The following ALK variants were observed in gnomAD, a reference collection of about 807,000 sequenced individuals.
ALK encodes the protein ALK receptor tyrosine kinase.
Under a neutral mutation model 163.1 loss-of-function variants are expected in ALK, and 74 were observed. The ratio of observed to expected loss-of-function variants is 0.45; its 90% CI spans 0.38 to 0.55. ALK has a LOEUF of 0.55. Ranked by LOEUF, ALK falls within the 20% of genes least tolerant of loss-of-function variation. ALK has a pLI of 0.00. For missense variants in ALK, 2,063 were observed against 2,105.3 expected (o/e 0.98, Z 0.39); for synonymous variants, 960 against 843.2 (o/e 1.14, Z -2.40).
At chr2:29,647,258 TTA>T (rs1676903805) in intron 3 of ALK, among the ~76,000 whole-genome samples, 1 of 152,184 alleles carries the variant, frequency 6.6e-6, no homozygotes, top group African/African-American at 2.4e-5. Flanking sequence ...GTATCTCTCC[TTA>T]AGTGCTATAC....
At chr2:29,277,698 AAGG>A (rs909348856) in intron 9 of ALK, among the ~76,000 whole-genome samples, 7 of 152,260 alleles carry the variant, frequency 4.6e-5, no homozygotes, top group African/African-American at 9.6e-5. Flanking sequence ...TTGGGTGTGG[AAGG>A]AGAAGTGCCT....
intron 3 of ALK, among the ~76,000 whole-genome samples, chr2:29,540,947 A>G (rs574423342): frequency 3.9e-4 from 59 of 152,320 alleles, no homozygotes; most frequent in Non-Finnish European, 6.0e-4. Context: ...AATATGTGTC[A>G]GATTGTCACT....
At chr2:29,571,982 C>A (rs575761891) in intron 3 of ALK, among the ~76,000 whole-genome samples, 5 of 152,208 alleles carry the variant, frequency 3.3e-5, no homozygotes, top group African/African-American at 1.2e-4. Flanking sequence ...ACAAAGAAAG[C>A]CCAGGTGAAG....
At chr2:29,432,346 G>T (rs1322141142) in intron 4 of ALK, among the ~76,000 whole-genome samples, 1 of 152,068 alleles carries the variant, frequency 6.6e-6, no homozygotes, top group East Asian at 1.9e-4. Context: ...TCTTCCCATT[G>T]CTCTCTCCCT....
At chr2:29,813,707 C>CT (rs1324785566) in intron 1 of ALK, among the ~76,000 whole-genome samples, 1 of 152,214 alleles carries the variant, frequency 6.6e-6, no homozygotes, top group Non-Finnish European at 1.5e-5. Context: ...ATGCTGAACT[C>CT]TACAGCATCC....
At chr2:29,366,810 G>A (rs1558696009) in intron 5 of ALK, among the ~76,000 whole-genome samples, 2 of 152,228 alleles carry the variant, frequency 1.3e-5, no homozygotes, top group African/African-American at 2.4e-5. Flanking sequence ...AAGTGTCAGA[G>A]TTTACTCTAA....
Position 29,649,249 on chromosome 2 carries a change from C to T in ALK, c.952+45601G>A, listed in dbSNP as rs546118031. ...GAGAGAGAGAGAGAGAGAGAAAGTG[C>T]GTGCGTGTGTGTGTGTGTGACAGAG... On this transcript the variant is annotated intron_variant, in intron 3 of 28. Transcript: ENST00000389048. Among the ~76,000 whole-genome samples the T allele has an allele frequency of 4.3e-3, 561 of 130,490 alleles. 4 individuals carry two copies. Among genetic ancestry groups the T allele is most frequent in the African/African-American group, 0.016 (522 of 32,146 alleles). The allele number at this position is 130,490 out of a possible 152,430, so 85.6% of individuals were successfully genotyped here. A position where few individuals can be genotyped will look rare whatever the true frequency, so the allele number is the denominator to read the frequency against.
chr2:29,910,126 T>C (rs1182852920), intron 1 of ALK, among the ~76,000 whole-genome samples: 2 of 152,134 alleles, frequency 1.3e-5, no homozygotes, highest in Non-Finnish European at 2.9e-5. Context: ...ATAGCTGTTA[T>C]ACGTGTTCAA....
At chr2:29,587,622 A>G (rs1674926977) in intron 3 of ALK, among the ~76,000 whole-genome samples, 1 of 152,036 alleles carries the variant, frequency 6.6e-6, no homozygotes, top group African/African-American at 2.4e-5. Flanking sequence ...GTTTTATAGA[A>G]AATGCATAAC....
chr2:29,433,256 T>A (rs1187590464), intron 4 of ALK, among the ~76,000 whole-genome samples: 1 of 152,154 alleles, frequency 6.6e-6, no homozygotes, highest in African/African-American at 2.4e-5. Context: ...TGCATAGAAG[T>A]GGACAGGAGA....
At chr2:29,357,089 C>T (rs540170695) in intron 5 of ALK, among the ~76,000 whole-genome samples, 4 of 152,304 alleles carry the variant, frequency 2.6e-5, no homozygotes, top group African/African-American at 7.2e-5. Context: ...TCTGCTCTTA[C>T]ATATCAGCTA....
intron 3 of ALK, among the ~76,000 whole-genome samples, chr2:29,620,798 C>T (rs918996429): frequency 6.6e-6 from 1 of 152,146 alleles, no homozygotes; most frequent in African/African-American, 2.4e-5. Context: ...AATAATAACC[C>T]CGCGCCTCGG....
intron 1 of ALK, among the ~76,000 whole-genome samples, chr2:29,850,520 G>A (rs1260443701): frequency 1.3e-5 from 2 of 152,198 alleles, no homozygotes; most frequent in African/African-American, 2.4e-5. Flanking sequence ...CCCAGAGCCT[G>A]ATAAAGAGAC....
intron 2 of ALK, among the ~76,000 whole-genome samples, chr2:29,702,926 G>T (rs1385907804): frequency 1.3e-5 from 2 of 152,208 alleles, no homozygotes; most frequent in Non-Finnish European, 1.5e-5. Flanking sequence ...ATTTGTGTGG[G>T]AACACAGCCA....
At chr2:29,832,513 C>T (rs1174007985) in intron 1 of ALK, among the ~76,000 whole-genome samples, 1 of 152,232 alleles carries the variant, frequency 6.6e-6, no homozygotes, top group Non-Finnish European at 1.5e-5. Flanking sequence ...TGTGTGCACA[C>T]TAGGGCTACA....
chr2:29,642,492 G>A (rs750738578), intron 3 of ALK, among the ~76,000 whole-genome samples: 4 of 152,108 alleles, frequency 2.6e-5, no homozygotes, highest in Admixed American at 6.5e-5. Flanking sequence ...AACAAAAAAG[G>A]AAGCACTAAA....
At chr2:29,491,634 C>G (rs2148125295) in intron 4 of ALK, among the ~76,000 whole-genome samples, 1 of 152,316 alleles carries the variant, frequency 6.6e-6, no homozygotes, top group Non-Finnish European at 1.5e-5. Context: ...AGAGGAGTGT[C>G]TCAGCAAGGA....
intron 11 of ALK, among the ~76,000 whole-genome samples, chr2:29,256,484 G>T (rs2148202014): frequency 6.6e-6 from 1 of 152,218 alleles, no homozygotes; most frequent in South Asian, 2.1e-4. Flanking sequence ...TTGAGTGGCT[G>T]GTCTGCAGCA....
At chr2:29,750,952 C>A (rs1429543402) in intron 1 of ALK, among the ~76,000 whole-genome samples, 3 of 152,100 alleles carry the variant, frequency 2.0e-5, no homozygotes, top group African/African-American at 7.2e-5. Flanking sequence ...CGCCAGTAGT[C>A]CCAGCTACTC....
Sources: gnomAD v4.1 joint callset for allele counts (sites outside exome capture counted in the v4.1 genomes callset) on GRCh38, gnomAD v4.1.1 for gene constraint, MANE v1.5 for transcripts, NCBI Gene and HGNC (gene_info 2026-07-23, HGNC 2026-07-21) for gene names.